GLI3: variants seen among roughly 807,000 people sequenced by gnomAD.
The protein encoded by GLI3 is transcription activator GLI3.
GLI3 carries 20 observed loss-of-function variants against 100.8 expected under a neutral mutation model. The ratio of observed to expected loss-of-function variants is 0.20; its 90% CI spans 0.14 to 0.29. The LOEUF (loss-of-function observed/expected upper bound fraction) is 0.29. Ranked by LOEUF, GLI3 falls within the 10% of genes least tolerant of loss-of-function variation. The pLI, the probability that GLI3 is intolerant of heterozygous loss-of-function variation, is 1.00. For missense variants in GLI3, 2,040 were observed against 2,128.5 expected, an observed-to-expected ratio of 0.96 and a Z score of 0.82; for synonymous variants, 938 against 860.5, an observed-to-expected ratio of 1.09 and a Z score of -1.58.
chr7:42,182,783 T>C (rs1787643081), intron 2 of GLI3, among the ~76,000 whole-genome samples: 1 of 148,238 alleles, frequency 6.7e-6, no homozygotes, highest in Non-Finnish European at 1.5e-5. Context: ...CCCAAACAAA[T>C]TGCTTTTGGC....
chr7:41,965,467 C>T lies in GLI3; in HGVS notation c.3606G>A (p.Gln1202=). The T allele has an allele frequency of 2.5e-6, 4 of 1,609,164 alleles. No homozygotes were observed. The highest frequency in any genetic ancestry group is 1.3e-5 in the African/African-American group (1 of 74,984). ...CAGCAGGCCCGCTCCTCAAGGGGTT[C>T]TGCGGGTGGACGACCATGCCGTTGC... ...GFCNGMVVHP[Q]NPLRSGPAGG... The change falls in exon 15 of 15, where the codon CAG becomes CAA. Residue 1202 remains glutamine, a synonymous_variant. Transcript: ENST00000395925.
At position 42,041,268 on chromosome 7, in the gene GLI3, G is replaced by A. The variant is rs142781449; in HGVS notation, c.827-1029C>T. On this transcript the variant is annotated intron_variant, in intron 6 of 14. Coordinates refer to ENST00000395925, the MANE Select transcript of GLI3 (RefSeq NM_000168.6). ...GAGTCTTAACCTGGAGTCCAAATCC[G>A]GAGGTGAGTAACTCAAACTTAAATG... 5.5e-3 allele frequency among the ~76,000 whole-genome samples: 832 copies of A among 152,270 alleles called. 6 individuals carry two copies. The highest frequency in any genetic ancestry group is 0.027 in the Middle Eastern group (8 of 292).
rs1249928555 is a variant in GLI3 at position 41,966,316 on chromosome 7, G to T, written c.2757C>A (p.Leu919=). 8 of 1,607,800 alleles carry T rather than the reference G, an allele frequency of 5.0e-6. No individual in the cohort carries two copies. Among genetic ancestry groups the T allele is most frequent in the African/African-American group, 2.7e-5 (2 of 74,904 alleles). The part of the protein sequence containing the change: ...ASQSDGLPSL[L]SLTPAQQYRL... ...GGTACTGCTGGGCGGGCGTGAGGCT[G>T]AGCAGGCTGGGCAGGCCGTCGCTCT... The change falls in exon 15 of 15, where the codon CTC becomes CTA. Residue 919 remains leucine (L), a synonymous_variant. Transcript: ENST00000395925. This position sits in a 1 kb window ranked among gnomAD's most constrained non-coding sequence, Gnocchi z 5.8.
At chr7:42,254,109 C>T (rs564258919) in intron 1 of GLI3, among the ~76,000 whole-genome samples, 2 of 150,936 alleles carry the variant, frequency 1.3e-5, no homozygotes, top group East Asian at 3.9e-4. Flanking sequence ...ATCCCAACTA[C>T]TCAGGAGGTT....
In GLI3 at chr7:42,076,611, G is replaced by C. The variant is rs12665936; in HGVS notation, c.473+141C>G. ...CTTCAGTGAACCCACGAACAGATAG[G>C]CTTGCTATATTTCAAAAGTAAATCT... On this transcript the variant is annotated intron_variant, in intron 4 of 14. Transcript: ENST00000395925. The C allele has an allele frequency of 6.6e-4, 458 of 692,570 alleles. 5 individuals are homozygous for C. In the East Asian group the frequency reaches 0.012, roughly 18 times the overall value. 42.9% of individuals were successfully genotyped at this position (692,570 alleles called of 1,614,324 possible).
intron 7 of GLI3, among the ~76,000 whole-genome samples, chr7:42,038,783 T>C (rs1784070996): frequency 6.6e-6 from 1 of 152,218 alleles, no homozygotes; most frequent in Non-Finnish European, 1.5e-5. Flanking sequence ...ATTAAAACTG[T>C]AATGGAGAAC....
At chr7:42,080,441 A>C (rs1024552) in intron 3 of GLI3, among the ~76,000 whole-genome samples, 61,642 of 152,096 alleles carry the variant, frequency 0.41, 13,904 homozygotes, top group Admixed American at 0.57. Context: ...GACCAAAGAC[A>C]TCTGATTTTG....
chr7:42,048,347 C>T (rs980058366), intron 5 of GLI3, 144 bp downstream of exon 5: 43 of 714,334 alleles, frequency 6.0e-5, no homozygotes, highest in African/African-American at 5.3e-4. Context: ...AACTGAAACG[C>T]AATCATGCAT....
intron 2 of GLI3, among the ~76,000 whole-genome samples, chr7:42,177,868 T>C (rs1006085624): frequency 6.6e-6 from 1 of 152,146 alleles, no homozygotes; most frequent in Admixed American, 6.5e-5. Context: ...GTCTAACATA[T>C]GATGTCTGGA....
At chr7:42,176,607 G>A (rs1249591667) in intron 2 of GLI3, among the ~76,000 whole-genome samples, 6 of 152,208 alleles carry the variant, frequency 3.9e-5, no homozygotes, top group African/African-American at 1.2e-4. Context: ...CATCTTTTAT[G>A]GGTCTAAGAC....
chr7:42,176,316 CT>C (rs1364539745), intron 2 of GLI3, among the ~76,000 whole-genome samples: 3 of 152,144 alleles, frequency 2.0e-5, no homozygotes, highest in African/African-American at 4.8e-5. Flanking sequence ...CTGTACAGGA[CT>C]TTCCCCACAA....
At chr7:42,030,695 TG>T (rs1209058889) in intron 7 of GLI3, among the ~76,000 whole-genome samples, 4 of 122,184 alleles carry the variant, frequency 3.3e-5, no homozygotes, top group Admixed American at 7.2e-5. Context: ...ATTGTTGATT[TG>T]TTTTTTTTTT....
At chr7:42,011,495 G>C (rs1788611048) in intron 10 of GLI3, among the ~76,000 whole-genome samples, 2 of 152,152 alleles carry the variant, frequency 1.3e-5, no homozygotes, top group South Asian at 2.1e-4. Flanking sequence ...CCAGAAAGTA[G>C]AAACTCAAAT....
intron 2 of GLI3, among the ~76,000 whole-genome samples, chr7:42,188,971 G>A (rs1278859396): frequency 6.6e-6 from 1 of 152,168 alleles, no homozygotes; most frequent in Non-Finnish European, 1.5e-5. Context: ...CACCAAGAGT[G>A]TCCCCTAAAG....
At position 42,215,647 on chromosome 7, in the gene GLI3, C is replaced by A. The variant is rs185905369; in HGVS notation, c.124+7483G>T. ...CAAGCAAAACATCATGCTGTGACTT[C>A]TTTTTGCTCTTAAATTTGAAAAATG... On this transcript the variant is annotated intron_variant, in intron 2 of 14. Coordinates refer to ENST00000395925, the MANE Select transcript of GLI3 (RefSeq NM_000168.6). Among the ~76,000 whole-genome samples the A allele has an allele frequency of 1.4e-3, 219 of 152,284 alleles. 1 individual carries two copies. Among genetic ancestry groups the A allele is most frequent in the Non-Finnish European group, 1.7e-3 (114 of 68,028 alleles).
intron 10 of GLI3, among the ~76,000 whole-genome samples, chr7:41,986,057 A>G (rs931250252): frequency 8.5e-5 from 13 of 152,244 alleles, no homozygotes; most frequent in African/African-American, 2.7e-4. Flanking sequence ...AGTTTCTGAC[A>G]TAACTATAAA....
intron 3 of GLI3, among the ~76,000 whole-genome samples, chr7:42,142,871 G>T (rs1310375226): frequency 6.7e-6 from 1 of 149,914 alleles, no homozygotes; most frequent in Non-Finnish European, 1.5e-5. Flanking sequence ...CCCGGGAGGC[G>T]GAGCTTGCAG....
At chr7:42,184,985 A>G (rs7810303) in intron 2 of GLI3, among the ~76,000 whole-genome samples, 19,262 of 152,058 alleles carry the variant, frequency 0.13, 1,584 homozygotes, top group Non-Finnish European at 0.18. Flanking sequence ...TCCTGCACAC[A>G]AAACTCTATC....
chr7:42,111,134 G>A (rs532695380), intron 3 of GLI3, among the ~76,000 whole-genome samples: 1 of 152,312 alleles, frequency 6.6e-6, no homozygotes, highest in South Asian at 2.1e-4. Context: ...TAAATAATAA[G>A]TAAATAACAA....
Sources: gnomAD v4.1 joint callset for allele counts (sites outside exome capture counted in the v4.1 genomes callset) on GRCh38, gnomAD v4.1.1 for gene constraint, Gnocchi (gnomAD v3.1) non-coding constraint, MANE v1.5 for transcripts, NCBI Gene and HGNC (gene_info 2026-07-23, HGNC 2026-07-21) for gene names.